The following STARD8 variants were observed in gnomAD, a reference collection of about 807,000 sequenced individuals.
STARD8 encodes StAR related lipid transfer domain containing 8.
A neutral mutation model predicts 69.4 loss-of-function variants in STARD8; 25 were observed. The observed-to-expected ratio is 0.36, with a 90% CI of 0.26 to 0.50. The LOEUF is 0.50. Among genes scored for constraint, STARD8 ranks in the 20% least tolerant of loss-of-function variants. The pLI, the probability that STARD8 is intolerant of heterozygous loss-of-function variation, is 0.96. For synonymous variants in STARD8, 389 were observed against 374.6 expected (o/e 1.04, Z -0.45); for missense variants, 921 against 932.5 (o/e 0.99, Z 0.16).
chrX:68,693,711 C>T (rs1013614927), intron 2 of STARD8: 2 of 753,892 alleles, frequency 2.7e-6, no homozygotes, highest in Admixed American at 1.7e-4. Context: ...ACCGTCACCC[C>T]TGCCCGACCC....
intron 1 of STARD8, among the ~76,000 whole-genome samples, chrX:68,652,807 C>T (rs2079558691): frequency 1.3e-5 from 1 of 74,350 alleles, no homozygotes; most frequent in Non-Finnish European, 2.7e-5. Context: ...CCACACACCA[C>T]ACACACACCC....
chrX:68,663,002 A>G (rs2079660803), intron 1 of STARD8, among the ~76,000 whole-genome samples: 1 of 111,936 alleles, frequency 8.9e-6, no homozygotes, highest in African/African-American at 3.2e-5. Flanking sequence ...GAATATATGA[A>G]TGAATGACCC....
At chrX:68,698,040 A>T (rs1476402380) in intron 2 of STARD8, among the ~76,000 whole-genome samples, 1 of 111,794 alleles carries the variant, frequency 8.9e-6, no homozygotes, top group Non-Finnish European at 1.9e-5. Context: ...CTCCCTGTCC[A>T]CCTCAGGCCT....
chrX:68,652,014 ATTTTTTTT>A (rs376303482), intron 1 of STARD8, among the ~76,000 whole-genome samples: 6 of 97,858 alleles, frequency 6.1e-5, no homozygotes, highest in African/African-American at 2.2e-4. Context: ...CGCCCAGCTA[ATTTTTTTT>A]TTTTTTTGTA....
intron 1 of STARD8, among the ~76,000 whole-genome samples, chrX:68,654,914 C>T (rs2079602050): frequency 8.9e-6 from 1 of 112,247 alleles, no homozygotes; most frequent in Admixed American, 9.4e-5. Context: ...AATTTCACTC[C>T]CAGCCTCCAG....
chrX:68,682,089 C>T (rs1007806831), intron 2 of STARD8, among the ~76,000 whole-genome samples: 3 of 109,019 alleles, frequency 2.8e-5, no homozygotes, highest in Non-Finnish European at 5.7e-5. Context: ...ACCTCCGCCT[C>T]CCGGTTTCAA....
At chrX:68,673,890 A>T (rs2079745943) in intron 2 of STARD8, among the ~76,000 whole-genome samples, 1 of 112,475 alleles carries the variant, frequency 8.9e-6, no homozygotes, top group Non-Finnish European at 1.9e-5. Context: ...TTCCTAGAAG[A>T]TGCTTCCAAG....
chrX:68,712,016 C>T (rs1489211208), intron 2 of STARD8, among the ~76,000 whole-genome samples: 1 of 112,725 alleles, frequency 8.9e-6, no homozygotes, highest in Non-Finnish European at 1.9e-5. Flanking sequence ...GGTATTTGGC[C>T]TACCCTGACT....
chrX:68,653,045 ATCACACAC>A (rs2079569565), intron 1 of STARD8, among the ~76,000 whole-genome samples: 1 of 3,092 alleles, frequency 3.2e-4, no homozygotes, highest in Non-Finnish European at 6.5e-4. Context: ...ACACACACAC[ATCACACAC>A]CACACACACC....
chrX:68,656,641 T>C (rs1221331229), intron 1 of STARD8: 1 of 111,920 alleles, frequency 8.9e-6, no homozygotes, highest in Non-Finnish European at 1.9e-5. Context: ...ATTAAGACAA[T>C]GTGGCACCTA....
chrX:68,653,437 ACATACACCT>A (rs2079587062), intron 1 of STARD8, among the ~76,000 whole-genome samples: 1 of 45,234 alleles, frequency 2.2e-5, no homozygotes. Flanking sequence ...CACACACCAC[ACATACACCT>A]CACACCACAC....
intron 1 of STARD8, among the ~76,000 whole-genome samples, chrX:68,653,318 C>CCA (rs1425820607): frequency 2.6e-5 from 1 of 38,731 alleles, no homozygotes; most frequent in Non-Finnish European, 4.8e-5. Context: ...ACACCACACA[C>CCA]CACACACACA....
intron 4 of STARD8, 87 bp from the exon 5 acceptor site, chrX:68,716,281 G>A: frequency 1.1e-6 from 1 of 904,514 alleles, no homozygotes; most frequent in South Asian, 2.2e-5. Flanking sequence ...GATGGCTTGG[G>A]CATGTGAAGT....
At chrX:68,687,498 T>C (rs756985265) in intron 2 of STARD8, among the ~76,000 whole-genome samples, 15 of 111,785 alleles carry the variant, frequency 1.3e-4, no homozygotes, top group African/African-American at 4.9e-4. Context: ...AATTCGCTCT[T>C]GATTCCACTT....
At chrX:68,668,278 T>TTCTTTCTTTCTTTC (rs1569355560) in intron 2 of STARD8, among the ~76,000 whole-genome samples, 29 of 59,703 alleles carry the variant, frequency 4.9e-4, no homozygotes, top group African/African-American at 1.9e-3. Flanking sequence ...TTCTTTCTCT[T>TTCTTTCTTTCTTTC]TCTTTCTTTC....
At chrX:68,693,515 C>G (rs1262315690) in intron 2 of STARD8, 1 of 408,261 alleles carries the variant, frequency 2.4e-6, no homozygotes, top group Non-Finnish European at 3.1e-6. Flanking sequence ...CAGGCAGTGC[C>G]CCGCCCACCC....
chrX:68,652,893 C>A (rs1329562314), intron 1 of STARD8, among the ~76,000 whole-genome samples: 4 of 44,637 alleles, frequency 9.0e-5, no homozygotes, highest in Admixed American at 2.8e-4. Flanking sequence ...CACACACACA[C>A]CACACCACAC....
At chrX:68,672,959 G>C (rs1457547321) in intron 2 of STARD8, among the ~76,000 whole-genome samples, 1 of 111,986 alleles carries the variant, frequency 8.9e-6, no homozygotes, top group Admixed American at 9.4e-5. Flanking sequence ...TTCCACAGGG[G>C]AAGGGAACAG....
chrX:68,670,610 A>C (rs1202650925), intron 2 of STARD8, among the ~76,000 whole-genome samples: 1 of 111,074 alleles, frequency 9.0e-6, no homozygotes, highest in Non-Finnish European at 1.9e-5. Context: ...GCCACTCCAA[A>C]TCAGGAGCTG....
Sources: gnomAD v4.1 joint callset for allele counts (sites outside exome capture counted in the v4.1 genomes callset) on GRCh38, gnomAD v4.1.1 for gene constraint, MANE v1.5 for transcripts, NCBI Gene and HGNC (gene_info 2026-07-23, HGNC 2026-07-21) for gene names.